The following ECE1 variants were observed in gnomAD, a reference collection of about 807,000 sequenced individuals.
The protein encoded by ECE1 is endothelin converting enzyme 1, also known as endothelin-converting enzyme 1.
A neutral mutation model predicts 98.6 loss-of-function variants in ECE1; 35 were observed. The ratio of observed to expected loss-of-function variants is 0.35; its 90% CI spans 0.27 to 0.47. ECE1 has a LOEUF of 0.47. Among genes scored for constraint, ECE1 ranks in the 20% least tolerant of loss-of-function variants. The pLI is 1.00. For missense variants in ECE1, 814 were observed against 1,025.3 expected (o/e 0.79, Z 2.81); for synonymous variants, 394 against 407.1 (o/e 0.97, Z 0.39).
intron 4 of ECE1, among the ~76,000 whole-genome samples, chr1:21,267,971 G>GT (rs1383338726): frequency 6.6e-6 from 1 of 152,242 alleles, no homozygotes; most frequent in Non-Finnish European, 1.5e-5. Context: ...CAGACTGCTA[G>GT]TTTTTTCTTT....
chr1:21,339,267 A>G (rs1639358054), intron 1 of ECE1, among the ~76,000 whole-genome samples: 1 of 152,192 alleles, frequency 6.6e-6, no homozygotes, highest in South Asian at 2.1e-4. Flanking sequence ...TGCAAAGGTG[A>G]ACAATAAATA....
At position 21,282,449 on chromosome 1, in the gene ECE1, A is replaced by C. The variant is rs541658271; in HGVS notation, c.139-3117T>G. 1.6e-4 allele frequency among the ~76,000 whole-genome samples: 25 copies of C among 151,752 alleles called. No homozygotes were observed. In the South Asian group the frequency reaches 5.2e-3, roughly 32 times the overall value. On this transcript the variant is annotated intron_variant, in intron 2 of 18. Coordinates refer to ENST00000374893, the MANE Select transcript of ECE1 (RefSeq NM_001397.3). ...CTAAAAATATAAAAATTAGCCAGGC[A>C]TGGTGGCTCATGCCTGTAATCCCAG...
At chr1:21,227,505 C>T (rs187309012) in intron 15 of ECE1, among the ~76,000 whole-genome samples, 1 of 152,304 alleles carries the variant, frequency 6.6e-6, no homozygotes, top group African/African-American at 2.4e-5. Flanking sequence ...ATTGCGAAAG[C>T]GTTAGCAATG....
intron 3 of ECE1, among the ~76,000 whole-genome samples, chr1:21,276,944 T>C (rs561034525): frequency 6.6e-6 from 1 of 152,260 alleles, no homozygotes; most frequent in South Asian, 2.1e-4. Context: ...CTCGAACATC[T>C]TGACCTCAGG....
chr1:21,279,278 C>T lies in ECE1; in HGVS notation c.193G>A (p.Val65Met). 1 of 1,614,236 alleles carries T rather than the reference C, an allele frequency of 6.2e-7. No homozygotes were observed. The highest frequency in any genetic ancestry group is 8.5e-7 in the Non-Finnish European group (1 of 1,180,050). ...ACCAACACCACCAGCCGCTTCTCCA[C>T]CTGGGTCCGTGCAGCCCAGCACCTC... ...GQRCWAARTQ[V>M]EKRLVVLVVL... Residue 65 changes from valine to methionine, a missense_variant, in exon 3 of 19, where the codon GTG becomes ATG. Physicochemically the swap from Val to Met is conservative, Grantham distance 21. This residue lies in a region of ECE1 where 257 missense variants were observed against 278.9 expected (regional missense o/e 0.92). Transcript: ENST00000374893.
intron 14 of ECE1, 132 bp from the exon 15 acceptor site, chr1:21,228,173 A>G (rs2098176909): frequency 1.6e-6 from 1 of 629,258 alleles, no homozygotes; most frequent in African/African-American, 1.8e-5. Context: ...CCCAGGCCCA[A>G]GTGCACACAA....
At chr1:21,238,326 TG>T (rs892538553) in intron 10 of ECE1, 82 bp from the exon 11 acceptor site, 2 of 1,084,850 alleles carry the variant, frequency 1.8e-6, no homozygotes, top group African/African-American at 3.1e-5. Context: ...TAGCACCATG[TG>T]GGGCCCATGC....
intron 1 of ECE1, among the ~76,000 whole-genome samples, chr1:21,308,452 A>AGAGGAAGG (rs1638644879): frequency 1.3e-5 from 2 of 152,088 alleles, no homozygotes; most frequent in African/African-American, 4.8e-5. Flanking sequence ...GGGAGTAACA[A>AGAGGAAGG]GAGGAAGGGA....
intron 11 of ECE1, among the ~76,000 whole-genome samples, chr1:21,237,435 ACC>A (rs1212422622): frequency 6.6e-6 from 1 of 152,056 alleles, no homozygotes; most frequent in East Asian, 1.9e-4. Flanking sequence ...CCCAACTCAG[ACC>A]CTGCCCAGCT....
At chr1:21,252,424 C>A (rs1251312314) in intron 8 of ECE1, among the ~76,000 whole-genome samples, 1 of 152,188 alleles carries the variant, frequency 6.6e-6, no homozygotes, top group Non-Finnish European at 1.5e-5. Flanking sequence ...CACCTGCAGC[C>A]AAGGAGTACT....
intron 2 of ECE1, among the ~76,000 whole-genome samples, chr1:21,281,599 A>C (rs533462570): frequency 5.3e-5 from 8 of 152,212 alleles, no homozygotes; most frequent in African/African-American, 1.4e-4. Context: ...TGCTGCCCCT[A>C]ATTTGTTTCA....
rs115329294 is a variant in ECE1, at chr1:21,282,892, C to G, written c.139-3560G>C. On this transcript the variant is annotated intron_variant, in intron 2 of 18. Transcript: ENST00000374893. Reference sequence around the variant, plus strand: ...TACTTGAGTGCTAAGGGCCTGGGATCATATTAATTCTATTTTGATAGTGCA... The same window carrying G: ...TACTTGAGTGCTAAGGGCCTGGGATGATATTAATTCTATTTTGATAGTGCA... Among the ~76,000 whole-genome samples, 915 of 150,054 alleles carry G rather than the reference C, an allele frequency of 6.1e-3. 11 individuals are homozygous for G. Among genetic ancestry groups the G allele is most frequent in the African/African-American group, 0.021 (879 of 40,944 alleles).
chr1:21,221,675 G>A (rs1187187196), intron 18 of ECE1, 72 bp downstream of exon 18: 55 of 1,513,614 alleles, frequency 3.6e-5, no homozygotes, highest in East Asian at 4.5e-5. Context: ...CTTGCCTTTC[G>A]GCTCTCTGGG....
chr1:21,272,315 A>G (rs964984623), intron 4 of ECE1, among the ~76,000 whole-genome samples: 15 of 152,040 alleles, frequency 9.9e-5, no homozygotes, highest in Non-Finnish European at 2.1e-4. Context: ...TTTTTAGACA[A>G]GAGTCTCACT....
Position 21,235,425 on chromosome 1 carries a change from G to A in ECE1, c.1566+425C>T, listed in dbSNP as rs975531832. ...AGGGCCGCAGGGACAGGAGGTAACT[G>A]GAAGCACGACCAGGGAGGGAGGAGG... On this transcript the variant is annotated intron_variant, in intron 13 of 18. Transcript: ENST00000374893. This position sits in a 1 kb window ranked among gnomAD's most constrained non-coding sequence, Gnocchi z 4.2. Among the ~76,000 whole-genome samples, 1 of 152,174 alleles carries A rather than the reference G, an allele frequency of 6.6e-6. No individual in the cohort carries two copies. Among genetic ancestry groups the A allele is most frequent in the African/African-American group, 2.4e-5 (1 of 41,438 alleles).
At chr1:21,295,575 A>G (rs1227448392) in intron 1 of ECE1, among the ~76,000 whole-genome samples, 1 of 152,220 alleles carries the variant, frequency 6.6e-6, no homozygotes, top group African/African-American at 2.4e-5. Context: ...TTTTAATAAC[A>G]GGAATCAGCT....
At chr1:21,325,528 A>G (rs139238200) in intron 1 of ECE1, among the ~76,000 whole-genome samples, 89 of 152,304 alleles carry the variant, frequency 5.8e-4, no homozygotes, top group African/African-American at 2.0e-3. Flanking sequence ...TTTCAGCCAC[A>G]AGCAAAACAC....
chr1:21,296,562 C>T (rs1638361000), intron 1 of ECE1, among the ~76,000 whole-genome samples: 1 of 152,140 alleles, frequency 6.6e-6, no homozygotes, highest in South Asian at 2.1e-4. Context: ...TAAAACAAAA[C>T]AAAACAGAGT....
At chr1:21,264,491 T>C (rs1573987453) in intron 4 of ECE1, among the ~76,000 whole-genome samples, 1 of 152,226 alleles carries the variant, frequency 6.6e-6, no homozygotes, top group African/African-American at 2.4e-5. Context: ...ATTTTTGTAT[T>C]TTTAGTAGAG....
Sources: gnomAD v4.1 joint callset for allele counts (sites outside exome capture counted in the v4.1 genomes callset) on GRCh38, gnomAD v4.1.1 for gene constraint, gnomAD v4.1.1 regional missense constraint, Gnocchi (gnomAD v3.1) non-coding constraint, MANE v1.5 for transcripts, NCBI Gene and HGNC (gene_info 2026-07-23, HGNC 2026-07-21) for gene names.